Variants in SLC4A4 observed in about 807,000 individuals in gnomAD.
SLC4A4 encodes solute carrier family 4 member 4.
Under a neutral mutation model 111.5 loss-of-function variants are expected in SLC4A4, and 27 were observed. The observed-to-expected ratio is 0.24, with a 90% CI of 0.18 to 0.33. The LOEUF (loss-of-function observed/expected upper bound fraction) is 0.33. SLC4A4 is among the 10% of genes least tolerant of loss of function. The pLI is 1.00. For missense variants in SLC4A4, 909 were observed against 1,315.5 expected (o/e 0.69, Z 4.78); for synonymous variants, 443 against 463.4 (o/e 0.96, Z 0.57).
At chr4:71,538,945 G>A in intron 18 of SLC4A4, among the ~76,000 whole-genome samples, 1 of 152,046 alleles carries the variant, frequency 6.6e-6, no homozygotes, top group East Asian at 1.9e-4. Context: ...CTGAGCTTCA[G>A]ACTGCAAAGT....
At position 71,517,192 on chromosome 4, in the gene SLC4A4, G is replaced by T. The variant is rs189443854; in HGVS notation, c.2167-14870G>T. Among the ~76,000 whole-genome samples, 275 of 151,864 alleles carry T rather than the reference G, an allele frequency of 1.8e-3. 1 individual carries two copies. The highest frequency in any genetic ancestry group is 6.2e-3 in the African/African-American group (257 of 41,466). ...CTTTAAATAAACTTCCTACCCCTTTGTCTCTCTCTTTTTCTTCTTGCTCTC... is the reference window on the plus strand; with the variant it reads ...CTTTAAATAAACTTCCTACCCCTTTTTCTCTCTCTTTTTCTTCTTGCTCTC... On this transcript the variant is annotated intron_variant, in intron 16 of 25. Transcript: ENST00000264485.
At chr4:71,547,212 T>C (rs1249509475) in intron 19 of SLC4A4, among the ~76,000 whole-genome samples, 1 of 152,018 alleles carries the variant, frequency 6.6e-6, no homozygotes, top group Non-Finnish European at 1.5e-5. Context: ...TTTATTGTGC[T>C]AATGAAATTT....
chr4:71,311,173 G>A (rs1726117213), intron 3 of SLC4A4, among the ~76,000 whole-genome samples: 1 of 152,110 alleles, frequency 6.6e-6, no homozygotes, highest in African/African-American at 2.4e-5. Context: ...ACCCAATACA[G>A]GAGCACCCAG....
In SLC4A4 at chr4:71,335,316, C is replaced by A. The variant is rs115729837; in HGVS notation, c.254-4054C>A. On this transcript the variant is annotated intron_variant, in intron 3 of 25. Coordinates refer to ENST00000264485, the MANE Select transcript of SLC4A4 (RefSeq NM_001098484.3). ...TATTTGTGATTGCTAGTTTCAGAAC[C>A]ACTACGATGAAAAAAGTGACTAAAC... Among the ~76,000 whole-genome samples the A allele has an allele frequency of 3.5e-3, 534 of 152,196 alleles. 4 individuals are homozygous for A. Among genetic ancestry groups the A allele is most frequent in the African/African-American group, 0.012 (512 of 41,518 alleles).
At chr4:71,399,086 T>A (rs1720112037) in intron 7 of SLC4A4, among the ~76,000 whole-genome samples, 1 of 152,166 alleles carries the variant, frequency 6.6e-6, no homozygotes, top group African/African-American at 2.4e-5. Flanking sequence ...TTATAAGTAA[T>A]CTAGAGCAAT....
intron 1 of SLC4A4, among the ~76,000 whole-genome samples, chr4:71,234,481 A>G (rs1188230518): frequency 6.6e-6 from 1 of 152,204 alleles, no homozygotes; most frequent in Non-Finnish European, 1.5e-5. Context: ...GCTGGAGTGC[A>G]GTGGCGCTAT....
chr4:71,376,439 G>C (rs1035474952), intron 6 of SLC4A4, among the ~76,000 whole-genome samples: 3 of 150,984 alleles, frequency 2.0e-5, no homozygotes, highest in African/African-American at 7.3e-5. Flanking sequence ...TCCTGACCTC[G>C]TGATCCACCC....
At chr4:71,184,806 T>C (rs748729190), upstream of SLC4A4, among the ~76,000 whole-genome samples, 36 of 152,128 alleles carry the variant, frequency 2.4e-4, no homozygotes, top group Non-Finnish European at 4.4e-4. Flanking sequence ...AATTAATCAA[T>C]GACCTTTCAA....
chr4:71,359,491 T>C (rs1292123082), intron 6 of SLC4A4, among the ~76,000 whole-genome samples: 1 of 152,220 alleles, frequency 6.6e-6, no homozygotes, highest in Non-Finnish European at 1.5e-5. Context: ...GGTACATTCT[T>C]ATAAATCATC....
intron 18 of SLC4A4, among the ~76,000 whole-genome samples, chr4:71,536,440 GCATATATACATATATACATATATA>G (rs200050038): frequency 1.4e-5 from 1 of 72,720 alleles, no homozygotes; most frequent in African/African-American, 4.6e-5. Flanking sequence ...TATCATTTAA[GCATATATACATATATACATATATA>G]CATATATATA....
chr4:71,417,516 A>G (rs1450325609), intron 7 of SLC4A4, among the ~76,000 whole-genome samples: 1 of 152,212 alleles, frequency 6.6e-6, no homozygotes, highest in Non-Finnish European at 1.5e-5. Context: ...CAACAGTGAA[A>G]GAGGAAAATA....
At chr4:71,517,098 A>G (rs547486988) in intron 16 of SLC4A4, among the ~76,000 whole-genome samples, 1 of 152,258 alleles carries the variant, frequency 6.6e-6, no homozygotes, top group Admixed American at 6.5e-5. Flanking sequence ...ATCTGATTGA[A>G]GACCTTTGAC....
rs1039030827 is a variant in SLC4A4, at chr4:71,560,704, G to A, written c.3099+450G>A. Among the ~76,000 whole-genome samples, 15 of 151,746 alleles carry A rather than the reference G, an allele frequency of 9.9e-5. No homozygotes were observed. The East Asian group carries it at 2.7e-3, about 28-fold the overall frequency. On this transcript the variant is annotated intron_variant, in intron 23 of 25. Coordinates refer to ENST00000264485, the MANE Select transcript of SLC4A4 (RefSeq NM_001098484.3). ...GTGATCTGTGAATCTATTTGAGTAG[G>A]CTCTCCACCAAAGTTCTATGCTGTT...
chr4:71,437,616 G>A (rs575278758), intron 7 of SLC4A4: 20 of 519,520 alleles, frequency 3.8e-5, no homozygotes, highest in African/African-American at 5.8e-5. Flanking sequence ...ATTTGCCTTC[G>A]TCAACATCCA....
chr4:71,226,634 TC>T (rs1719067309), intron 1 of SLC4A4, among the ~76,000 whole-genome samples: 1 of 152,098 alleles, frequency 6.6e-6, no homozygotes, highest in South Asian at 2.1e-4. Flanking sequence ...ACAGCCATTT[TC>T]CCCCCTTTCT....
intron 1 of SLC4A4, among the ~76,000 whole-genome samples, chr4:71,087,301 C>G (rs1355076276): frequency 2.0e-5 from 3 of 151,218 alleles, no homozygotes; most frequent in African/African-American, 7.3e-5. Context: ...TCTCTTTTTT[C>G]TTTATTAGTC....
At chr4:71,253,907 G>A (rs1031227126) in intron 2 of SLC4A4, among the ~76,000 whole-genome samples, 5 of 152,084 alleles carry the variant, frequency 3.3e-5, no homozygotes, top group African/African-American at 1.2e-4. Flanking sequence ...CATTCACTTA[G>A]GTTCTGCATT....
chr4:71,247,152 A>C (rs964210995), intron 2 of SLC4A4, among the ~76,000 whole-genome samples: 11 of 150,782 alleles, frequency 7.3e-5, no homozygotes, highest in Non-Finnish European at 1.2e-4. Flanking sequence ...AAGGAAGGGA[A>C]TAATGTGAAC....
chr4:71,339,146 G>A (rs948116209), intron 3 of SLC4A4: 10 of 1,612,364 alleles, frequency 6.2e-6, no homozygotes, highest in Non-Finnish European at 8.5e-6. Flanking sequence ...TCCTTCTGGA[G>A]AGTGGTGGAG....
Sources: gnomAD v4.1 joint callset for allele counts (sites outside exome capture counted in the v4.1 genomes callset) on GRCh38, gnomAD v4.1.1 for gene constraint, MANE v1.5 for transcripts, NCBI Gene and HGNC (gene_info 2026-07-23, HGNC 2026-07-21) for gene names.